GLIS3: variants seen among roughly 807,000 people sequenced by gnomAD.
GLIS3 encodes the protein GLIS family zinc finger 3.
A neutral mutation model predicts 78.6 loss-of-function variants in GLIS3; 53 were observed. The observed-to-expected ratio is 0.67, with a 90% confidence interval of 0.54 to 0.85. GLIS3 has a LOEUF of 0.85. Ranked by LOEUF, GLIS3 falls within the 40% of genes least tolerant of loss-of-function variation. GLIS3 has a pLI of 0.00. For synonymous variants in GLIS3, 684 were observed against 509.9 expected, an observed-to-expected ratio of 1.34 and a Z score of -4.60; for missense variants, 1,703 against 1,231.1, an observed-to-expected ratio of 1.38 and a Z score of -5.74.
intron 4 of GLIS3, among the ~76,000 whole-genome samples, chr9:4,116,365 T>A (rs997355509): frequency 1.3e-5 from 2 of 152,292 alleles, no homozygotes. Context: ...AGTGACAGAG[T>A]AAGGTTTTGC....
the GLIS3 span, among the ~76,000 whole-genome samples, chr9:4,382,744 C>G: frequency 1.4e-4 from 22 of 152,188 alleles, no homozygotes; most frequent in African/African-American, 4.8e-4. Flanking sequence ...TTTAATACCT[C>G]TCAGATGATA....
At chr9:4,352,220 G>T (rs1024692297), upstream of GLIS3, among the ~76,000 whole-genome samples, 1 of 152,194 alleles carries the variant, frequency 6.6e-6, no homozygotes, top group Non-Finnish European at 1.5e-5. Context: ...GTAAAACTCA[G>T]GCGACACCCA....
chr9:4,405,690 A>G, the GLIS3 span, among the ~76,000 whole-genome samples: 2 of 152,158 alleles, frequency 1.3e-5, no homozygotes, highest in Non-Finnish European at 2.9e-5. Flanking sequence ...TCTGAAAAAT[A>G]GAGGAGAAAA....
At chr9:4,264,457 C>A (rs771028310) in intron 2 of GLIS3, among the ~76,000 whole-genome samples, 1 of 152,312 alleles carries the variant, frequency 6.6e-6, no homozygotes, top group Admixed American at 6.5e-5. Flanking sequence ...TAAGTTACAT[C>A]ATGTTAATTC....
chr9:3,990,694 C>G (rs1053619545), intron 4 of GLIS3, among the ~76,000 whole-genome samples: 1 of 152,164 alleles, frequency 6.6e-6, no homozygotes, highest in East Asian at 1.9e-4. Context: ...AAATTTCACA[C>G]TCAGACAGCC....
chr9:3,933,381 AAATG>A (rs950344983), intron 5 of GLIS3, among the ~76,000 whole-genome samples: 4 of 152,144 alleles, frequency 2.6e-5, no homozygotes, highest in African/African-American at 9.7e-5. Flanking sequence ...TACATAATAG[AAATG>A]AATGAATTAA....
At chr9:4,253,384 TC>T (rs1824583360) in intron 2 of GLIS3, among the ~76,000 whole-genome samples, 3 of 152,192 alleles carry the variant, frequency 2.0e-5, no homozygotes, top group Admixed American at 2.0e-4. Flanking sequence ...AGTTTGAAAT[TC>T]CCCGTGGCTT....
At chr9:3,909,239 C>T (rs1297795719) in intron 6 of GLIS3, among the ~76,000 whole-genome samples, 1 of 152,160 alleles carries the variant, frequency 6.6e-6, no homozygotes, top group Non-Finnish European at 1.5e-5. Flanking sequence ...TGCCAAAAGG[C>T]TTAAAAATAA....
the GLIS3 span, among the ~76,000 whole-genome samples, chr9:4,467,830 C>A: frequency 5.9e-5 from 9 of 152,206 alleles, no homozygotes; most frequent in Admixed American, 1.3e-4. Context: ...TCGGTAATAA[C>A]AAACTTCTCC....
chr9:4,235,856 G>A (rs1314145337), intron 2 of GLIS3, among the ~76,000 whole-genome samples: 5 of 152,184 alleles, frequency 3.3e-5, no homozygotes, highest in Non-Finnish European at 7.4e-5. Flanking sequence ...ACACAGGACT[G>A]AGTCAATCTC....
intron 2 of GLIS3, among the ~76,000 whole-genome samples, chr9:4,185,783 C>G (rs1817732643): frequency 6.6e-6 from 1 of 152,210 alleles, no homozygotes; most frequent in Non-Finnish European, 1.5e-5. Context: ...AATGAATCGC[C>G]CTCCCTCACT....
At chr9:4,490,247 G>A in the GLIS3 span, among the ~76,000 whole-genome samples, 1 of 152,278 alleles carries the variant, frequency 6.6e-6, no homozygotes, top group Non-Finnish European at 1.5e-5. Flanking sequence ...ACAGACTCCA[G>A]TGGAAGGCTG....
chr9:4,098,540 T>C (rs114913536), intron 4 of GLIS3, among the ~76,000 whole-genome samples: 2,848 of 152,240 alleles, frequency 0.019, 83 homozygotes, highest in African/African-American at 0.063. Context: ...CCCTGAGAGA[T>C]TAATTGGATG....
At chr9:3,869,079 C>T (rs1820801119) in intron 8 of GLIS3, among the ~76,000 whole-genome samples, 1 of 152,158 alleles carries the variant, frequency 6.6e-6, no homozygotes, top group Non-Finnish European at 1.5e-5. Flanking sequence ...GTCTTATTTA[C>T]CACTATAGCC....
intron 2 of GLIS3, among the ~76,000 whole-genome samples, chr9:4,167,543 C>G (rs1215015684): frequency 6.6e-6 from 1 of 152,190 alleles, no homozygotes; most frequent in Non-Finnish European, 1.5e-5. Flanking sequence ...CCATGCCTGA[C>G]AGAGTGCTGG....
At chr9:4,450,200 T>C in the GLIS3 span, among the ~76,000 whole-genome samples, 1,694 of 152,258 alleles carry the variant, frequency 0.011, 32 homozygotes, top group South Asian at 0.044. Context: ...ATGTGATGCA[T>C]ACACAAACTT....
At chr9:3,929,345 TTTC>T (rs1243981685) in intron 6 of GLIS3, among the ~76,000 whole-genome samples, 1 of 152,204 alleles carries the variant, frequency 6.6e-6, no homozygotes, top group Non-Finnish European at 1.5e-5. Context: ...AGAGTTTTTT[TTTC>T]TTCTTTTTCT....
At chr9:3,945,065 C>G (rs571415348) in intron 4 of GLIS3, among the ~76,000 whole-genome samples, 5 of 152,314 alleles carry the variant, frequency 3.3e-5, no homozygotes, top group East Asian at 1.9e-4. Context: ...GCATTAATGC[C>G]TCTTAAAAAT....
chr9:3,911,559 C>A (rs759475090), intron 6 of GLIS3, among the ~76,000 whole-genome samples: 3 of 152,152 alleles, frequency 2.0e-5, no homozygotes, highest in Non-Finnish European at 4.4e-5. Context: ...AATTACACTA[C>A]AACATTAGTA....
Sources: gnomAD v4.1 joint callset for allele counts (sites outside exome capture counted in the v4.1 genomes callset) on GRCh38, gnomAD v4.1.1 for gene constraint, MANE v1.5 for transcripts, NCBI Gene and HGNC (gene_info 2026-07-23, HGNC 2026-07-21) for gene names.